MCUB: variants seen among roughly 807,000 people sequenced by gnomAD.
The protein encoded by MCUB is calcium uniporter regulatory subunit MCUb, mitochondrial.
MCUB carries 46 observed loss-of-function variants against 41.4 expected under a neutral mutation model. The observed-to-expected ratio is 1.11, with a 90% CI of 0.88 to 1.42. The LOEUF is 1.42. Ranked by LOEUF, MCUB falls within the 40% of genes most tolerant of loss-of-function variation. The pLI, the probability that MCUB is intolerant of heterozygous loss-of-function variation, is 0.00. For missense variants in MCUB, 403 were observed against 404.9 expected (o/e 1.00, Z 0.04); for synonymous variants, 148 against 148.2 (o/e 1.00, Z 0.01).
intron 1 of MCUB, among the ~76,000 whole-genome samples, chr4:109,642,543 T>C (rs1217797910): frequency 6.6e-6 from 1 of 152,234 alleles, no homozygotes; most frequent in Non-Finnish European, 1.5e-5. Context: ...TATCCTCTGA[T>C]TTATAGTCAT....
chr4:109,636,956 G>C (rs1474260915), intron 1 of MCUB, among the ~76,000 whole-genome samples: 3 of 152,226 alleles, frequency 2.0e-5, no homozygotes, highest in African/African-American at 7.2e-5. Context: ...GTGGCCTTCT[G>C]AGAGTAATTT....
In MCUB at chr4:109,664,277, G is replaced by A. The variant is rs1729294584; in HGVS notation, c.347-13G>A. On this transcript the variant is annotated splice_polypyrimidine_tract_variant and intron_variant, in intron 3 of 7. Coordinates refer to ENST00000394650, the MANE Select transcript of MCUB (RefSeq NM_017918.5). The stretch of plus-strand genomic sequence containing the variant: ...AAACAAAGACATGCTCATGCATGAT[G>A]TTTTTCTTTCAGATGGCAACATGAT... The A allele has an allele frequency of 7.5e-7, 1 of 1,338,122 alleles. No individual in the cohort carries two copies. The highest frequency in any genetic ancestry group is 2.3e-5 in the East Asian group (1 of 43,594). The allele number at this position is 1,338,122 out of a possible 1,614,324, so 82.9% of individuals were successfully genotyped here. A position where few individuals can be genotyped will look rare whatever the true frequency, so the allele number is the denominator to read the frequency against.
intron 1 of MCUB, among the ~76,000 whole-genome samples, chr4:109,580,157 G>T (rs1727136137): frequency 6.6e-6 from 1 of 152,054 alleles, no homozygotes; most frequent in African/African-American, 2.4e-5. Context: ...GCAATAGTTT[G>T]CTCGGAGTGA....
chr4:109,664,116 AGAG>A (rs1729291381), intron 3 of MCUB, among the ~76,000 whole-genome samples, 171 bp from the exon 4 acceptor site: 1 of 152,240 alleles, frequency 6.6e-6, no homozygotes, highest in Non-Finnish European at 1.5e-5. Flanking sequence ...GTAGAGCAAT[AGAG>A]GAGGATTCCC....
At chr4:109,586,688 G>T (rs1727313984) in intron 1 of MCUB, among the ~76,000 whole-genome samples, 1 of 152,116 alleles carries the variant, frequency 6.6e-6, no homozygotes, top group Admixed American at 6.5e-5. Context: ...CTGTTTGTTA[G>T]TTTTCCTTCT....
chr4:109,581,345 C>T (rs991956215), intron 1 of MCUB, among the ~76,000 whole-genome samples: 1 of 152,176 alleles, frequency 6.6e-6, no homozygotes, highest in African/African-American at 2.4e-5. Flanking sequence ...AAAGCTGAAA[C>T]TGGATCCCTT....
At chr4:109,587,007 C>A (rs996148660) in intron 1 of MCUB, among the ~76,000 whole-genome samples, 1 of 152,216 alleles carries the variant, frequency 6.6e-6, no homozygotes, top group African/African-American at 2.4e-5. Flanking sequence ...CAGAGAGGGA[C>A]GTTTAAGTCT....
chr4:109,598,289 C>T (rs1313973673), intron 1 of MCUB, among the ~76,000 whole-genome samples: 2 of 152,030 alleles, frequency 1.3e-5, no homozygotes, highest in African/African-American at 4.8e-5. Context: ...TGCCACTGCA[C>T]TCCAGCCGGG....
At chr4:109,620,711 G>A (rs1728233353) in intron 1 of MCUB, among the ~76,000 whole-genome samples, 1 of 151,908 alleles carries the variant, frequency 6.6e-6, no homozygotes, top group Admixed American at 6.6e-5. Flanking sequence ...AAAGTAAAGA[G>A]TATTGATTAC....
At chr4:109,604,653 G>T (rs1029420552) in intron 1 of MCUB, among the ~76,000 whole-genome samples, 8 of 152,160 alleles carry the variant, frequency 5.3e-5, no homozygotes, top group Admixed American at 2.6e-4. Flanking sequence ...CTGTGGGTCT[G>T]TTGTATATGG....
intron 3 of MCUB, among the ~76,000 whole-genome samples, chr4:109,660,650 C>T (rs1036541079): frequency 4.6e-5 from 7 of 151,996 alleles, no homozygotes; most frequent in African/African-American, 1.4e-4. Context: ...AACCCCGTCT[C>T]TACTAAAAAC....
chr4:109,560,547 G>C (rs1726597635), intron 1 of MCUB, 111 bp downstream of exon 1: 2 of 511,804 alleles, frequency 3.9e-6, no homozygotes, highest in Non-Finnish European at 6.0e-6. Flanking sequence ...ACTGCGTTTT[G>C]CTGGCTGCCG....
chr4:109,625,542 G>A (rs1728342950), intron 1 of MCUB, among the ~76,000 whole-genome samples: 1 of 152,212 alleles, frequency 6.6e-6, no homozygotes, highest in Non-Finnish European at 1.5e-5. Context: ...CATTTGAGTT[G>A]TAAGCTAGGC....
chr4:109,612,871 C>T (rs1561227600), intron 1 of MCUB, among the ~76,000 whole-genome samples: 2 of 152,146 alleles, frequency 1.3e-5, no homozygotes, highest in Non-Finnish European at 2.9e-5. Context: ...CTTTGGGAGG[C>T]CAAGGCGGGC....
At chr4:109,610,782 ACACTACAAACCT>A in intron 1 of MCUB, among the ~76,000 whole-genome samples, 1 of 152,272 alleles carries the variant, frequency 6.6e-6, no homozygotes, top group African/African-American at 2.4e-5. Context: ...TATTGTTCCT[ACACTACAAACCT>A]ATACAGTATC....
intron 4 of MCUB, among the ~76,000 whole-genome samples, chr4:109,671,794 T>C (rs2126148005): frequency 6.6e-6 from 1 of 152,314 alleles, no homozygotes; most frequent in South Asian, 2.1e-4. Flanking sequence ...GTCTTTAAAT[T>C]TTTTGCTGAA....
chr4:109,667,754 T>C (rs1729374658), intron 4 of MCUB, among the ~76,000 whole-genome samples: 2 of 151,482 alleles, frequency 1.3e-5, no homozygotes, highest in Admixed American at 6.6e-5. Context: ...TCAGATCTTA[T>C]AGATGTTTAT....
At chr4:109,680,113 A>T (rs933563340) in intron 4 of MCUB, among the ~76,000 whole-genome samples, 8 of 152,086 alleles carry the variant, frequency 5.3e-5, no homozygotes, top group East Asian at 1.9e-4. Flanking sequence ...GAGGGTATAA[A>T]TTTTTTATCA....
At chr4:109,616,386 T>C (rs1047283824) in intron 1 of MCUB, among the ~76,000 whole-genome samples, 2 of 152,234 alleles carry the variant, frequency 1.3e-5, no homozygotes, top group South Asian at 4.1e-4. Flanking sequence ...AGAGAATTTC[T>C]TCACAGTACC....
Sources: allele counts gnomAD v4.1 joint callset (sites outside exome capture counted in the v4.1 genomes callset), GRCh38; gene constraint gnomAD v4.1.1; transcripts MANE v1.5; gene names NCBI Gene and HGNC (gene_info 2026-07-23, HGNC 2026-07-21).